The following COX7B2 variants were observed in gnomAD, a reference collection of about 807,000 sequenced individuals.
COX7B2 encodes cytochrome c oxidase subunit 7B2, also known as cytochrome c oxidase subunit 7B2, mitochondrial.
For missense variants in COX7B2, 109 were observed against 95.9 expected, an observed-to-expected ratio of 1.14 and a Z score of -0.57; for synonymous variants, 37 against 32.1, an observed-to-expected ratio of 1.15 and a Z score of -0.51.
chr4:46,805,785 A>G (rs1195927079), intron 2 of COX7B2, among the ~76,000 whole-genome samples: 1 of 152,060 alleles, frequency 6.6e-6, no homozygotes, highest in Non-Finnish European at 1.5e-5. Flanking sequence ...TCCTGCTTCT[A>G]TTAGATGTTG....
At chr4:46,744,975 G>T (rs777019403) in intron 2 of COX7B2, among the ~76,000 whole-genome samples, 5 of 151,924 alleles carry the variant, frequency 3.3e-5, no homozygotes, top group Non-Finnish European at 7.4e-5. Context: ...CAGGCAATCT[G>T]CCTGCCTCAG....
chr4:46,829,902 A>G (rs538819913), intron 2 of COX7B2, among the ~76,000 whole-genome samples: 1 of 152,318 alleles, frequency 6.6e-6, no homozygotes, highest in African/African-American at 2.4e-5. Flanking sequence ...ATGACATATC[A>G]CACCAAGTTT....
intron 2 of COX7B2, among the ~76,000 whole-genome samples, chr4:46,809,014 C>T (rs1273615641): frequency 6.6e-6 from 1 of 151,766 alleles, no homozygotes; most frequent in African/African-American, 2.4e-5. Flanking sequence ...CTTTGTCTGA[C>T]TTAGGTATCA....
At chr4:46,908,966 C>A (rs1720578159) in intron 1 of COX7B2, among the ~76,000 whole-genome samples, 194 bp downstream of exon 1, 1 of 151,990 alleles carries the variant, frequency 6.6e-6, no homozygotes, top group Non-Finnish European at 1.5e-5. Flanking sequence ...ATGGCGTGAA[C>A]CCGGGAGGCG....
intron 2 of COX7B2, among the ~76,000 whole-genome samples, chr4:46,781,092 A>C (rs1383397470): frequency 3.9e-5 from 6 of 152,204 alleles, no homozygotes; most frequent in African/African-American, 1.4e-4. Flanking sequence ...ATGATTACCA[A>C]CAGCTTTGAT....
chr4:46,896,073 A>G (rs1719737746), intron 1 of COX7B2, among the ~76,000 whole-genome samples: 1 of 152,196 alleles, frequency 6.6e-6, no homozygotes, highest in South Asian at 2.1e-4. Flanking sequence ...AACATAAGCT[A>G]TTCCTACTTT....
intron 2 of COX7B2, among the ~76,000 whole-genome samples, chr4:46,744,725 C>T (rs1714915304): frequency 1.3e-5 from 2 of 148,736 alleles, no homozygotes; most frequent in Non-Finnish European, 3.0e-5. Context: ...TTTTAGATAT[C>T]AAAGATATTT....
intron 2 of COX7B2, among the ~76,000 whole-genome samples, chr4:46,758,301 A>C (rs1280288449): frequency 6.6e-6 from 1 of 152,110 alleles, no homozygotes; most frequent in Non-Finnish European, 1.5e-5. Context: ...TAGAGCATAG[A>C]AAATGTATCA....
intron 2 of COX7B2, among the ~76,000 whole-genome samples, chr4:46,830,962 C>T (rs919260427): frequency 6.6e-6 from 1 of 152,222 alleles, no homozygotes; most frequent in Non-Finnish European, 1.5e-5. Context: ...CCCTTCAGCC[C>T]GACACTGCAC....
chr4:46,804,645 T>C (rs1310623458), intron 2 of COX7B2, among the ~76,000 whole-genome samples: 1 of 152,232 alleles, frequency 6.6e-6, no homozygotes, highest in African/African-American at 2.4e-5. Flanking sequence ...CACAGGGTGC[T>C]GCTTGGTGTG....
intron 1 of COX7B2, among the ~76,000 whole-genome samples, chr4:46,905,370 G>C (rs17598861): frequency 0.24 from 36,991 of 152,014 alleles, 4,708 homozygotes; most frequent in East Asian, 0.29. Flanking sequence ...AACCCTAAAA[G>C]AGTTATCCCA....
At chr4:46,768,136 G>T (rs547675669) in intron 2 of COX7B2, among the ~76,000 whole-genome samples, 3 of 152,348 alleles carry the variant, frequency 2.0e-5, no homozygotes, top group Admixed American at 1.3e-4. Flanking sequence ...GAGAGTCAGT[G>T]TGACAGCCTC....
At chr4:46,793,195 G>A (rs1718140473) in intron 2 of COX7B2, among the ~76,000 whole-genome samples, 1 of 152,052 alleles carries the variant, frequency 6.6e-6, no homozygotes, top group South Asian at 2.1e-4. Flanking sequence ...GAAGTTTTAT[G>A]GTGGGGTTGG....
chr4:46,897,600 C>T (rs1487201942), intron 1 of COX7B2, among the ~76,000 whole-genome samples: 2 of 152,096 alleles, frequency 1.3e-5, no homozygotes, highest in African/African-American at 4.8e-5. Flanking sequence ...TCTCATGCAC[C>T]CCTTGGTAAT....
intron 1 of COX7B2, among the ~76,000 whole-genome samples, chr4:46,855,409 G>C (rs544342736): frequency 1.3e-5 from 2 of 151,872 alleles, no homozygotes; most frequent in East Asian, 3.9e-4. Flanking sequence ...TTTATATTAG[G>C]AGTAAGTATC....
chr4:46,863,904 A>G (rs1383473749), intron 1 of COX7B2, among the ~76,000 whole-genome samples: 2 of 152,178 alleles, frequency 1.3e-5, no homozygotes, highest in African/African-American at 2.4e-5. Context: ...ATGAGTGTTG[A>G]GCAACCTCCA....
intron 2 of COX7B2, among the ~76,000 whole-genome samples, chr4:46,838,574 T>C (rs868488620): frequency 9.2e-5 from 14 of 152,194 alleles, no homozygotes; most frequent in South Asian, 8.3e-4. Context: ...TAACCCTGGG[T>C]AGAGTAACAG....
At chr4:46,832,563 A>C (rs2109731672) in intron 2 of COX7B2, among the ~76,000 whole-genome samples, 1 of 152,252 alleles carries the variant, frequency 6.6e-6, no homozygotes. Context: ...TAGCTAACTG[A>C]TATGGTTTGG....
intron 2 of COX7B2, among the ~76,000 whole-genome samples, chr4:46,769,292 T>C (rs564516008): frequency 6.6e-6 from 1 of 152,244 alleles, no homozygotes; most frequent in East Asian, 1.9e-4. Context: ...AGGACAATAT[T>C]CTTGATGAAC....
Sources: allele counts gnomAD v4.1 joint callset (sites outside exome capture counted in the v4.1 genomes callset), GRCh38; gene constraint gnomAD v4.1.1; transcripts MANE v1.5; gene names NCBI Gene and HGNC (gene_info 2026-07-23, HGNC 2026-07-21).